Variants in MCHR2 observed in about 807,000 individuals in gnomAD.
MCHR2 encodes melanin-concentrating hormone receptor 2.
In MCHR2, 15 loss-of-function variants were observed where a neutral mutation model predicts 24.8. That is an observed-to-expected ratio of 0.60 (90% CI 0.40 to 0.93). The LOEUF (loss-of-function observed/expected upper bound fraction) is 0.93, where lower values mean the gene tolerates loss of function less well. Among genes scored for constraint, MCHR2 ranks in the 40% least tolerant of loss-of-function variants. The pLI is 0.00. For synonymous variants in MCHR2, 151 were observed against 147.6 expected (o/e 1.02, Z -0.17); for missense variants, 386 against 408.7 (o/e 0.94, Z 0.48).
In MCHR2 at chr6:99,944,766, T is replaced by G. The variant is rs1476806409; in HGVS notation, c.393-1623A>C. Reference sequence around the variant, plus strand: ...AATTAAGGAATCTTCTCTGATAGCATCCCTCCCCAGCTGAAAACCTTTCAG... The same window carrying G: ...AATTAAGGAATCTTCTCTGATAGCAGCCCTCCCCAGCTGAAAACCTTTCAG... On this transcript the variant is annotated intron_variant, in intron 3 of 5. Transcript: ENST00000281806. Among the ~76,000 whole-genome samples the G allele has an allele frequency of 2.0e-5, 3 of 152,124 alleles. 1 individual carries two copies. Among genetic ancestry groups the G allele is most frequent in the Admixed American group, 6.5e-5 (1 of 15,268 alleles).
At chr6:99,971,288 T>A (rs1775412799) in intron 1 of MCHR2, among the ~76,000 whole-genome samples, 1 of 151,002 alleles carries the variant, frequency 6.6e-6, no homozygotes, top group South Asian at 2.1e-4. Context: ...CCCTTGTAAG[T>A]TGGATTCCTA....
intron 1 of MCHR2, among the ~76,000 whole-genome samples, chr6:99,974,962 G>A (rs567785480): frequency 3.6e-4 from 55 of 152,304 alleles, no homozygotes; most frequent in African/African-American, 1.2e-3. Flanking sequence ...ACCTGGCCAT[G>A]TGAGGTGTCA....
chr6:99,957,265 G>A (rs1244006226), intron 1 of MCHR2, among the ~76,000 whole-genome samples: 3 of 152,090 alleles, frequency 2.0e-5, no homozygotes, highest in Admixed American at 2.0e-4. Context: ...TCATAATTAA[G>A]TGTATTTTAT....
rs987480935 is a variant in MCHR2, at chr6:99,919,511, A to G, written c.*1429T>C. Among the ~76,000 whole-genome samples the G allele has an allele frequency of 1.3e-5, 2 of 152,218 alleles. No homozygotes were observed. Among genetic ancestry groups the G allele is most frequent in the African/African-American group, 2.4e-5 (1 of 41,460 alleles). On this transcript the variant is annotated 3_prime_UTR_variant, in exon 6 of 6. Coordinates refer to ENST00000281806, the MANE Select transcript of MCHR2 (RefSeq NM_001040179.2). ...GTATTTAGATGAAGAAGGTGGGTTT[A>G]CAGACTTTATCCACAAGCAAAAATA...
intron 1 of MCHR2, among the ~76,000 whole-genome samples, chr6:99,962,127 G>T (rs76690090): frequency 0.019 from 2,892 of 152,128 alleles, 32 homozygotes; most frequent in Middle Eastern, 0.048. Context: ...TGTGCTTTGG[G>T]TCTGTTATTA....
rs950324729 is a variant in MCHR2 at position 99,959,285 on chromosome 6, C to T, written c.-27-3111G>A. On this transcript the variant is annotated intron_variant, in intron 1 of 5. Transcript: ENST00000281806. ...GGAAAAAAGAAATTGGTAAATCTCT[C>T]TAAGTAGGAACCTAGACACACATGT... Among the ~76,000 whole-genome samples the T allele has an allele frequency of 7.2e-5, 11 of 152,108 alleles. 1 individual carries two copies. In the East Asian group the frequency reaches 2.0e-3, roughly 27 times the overall value.
At position 99,939,728 on chromosome 6, in the gene MCHR2, A is replaced by C. The variant is rs186229983; in HGVS notation, c.587+3221T>G. ...TTAGTGTTTTTTTTTTTTTCTTTCC[A>C]ACAGAAGAACTCCCTTTAGCATTTC... On this transcript the variant is annotated intron_variant, in intron 4 of 5. Coordinates refer to ENST00000281806, the MANE Select transcript of MCHR2 (RefSeq NM_001040179.2). Among the ~76,000 whole-genome samples, 347 of 151,282 alleles carry C rather than the reference A, an allele frequency of 2.3e-3. 2 individuals carry two copies. Among genetic ancestry groups the C allele is most frequent in the Non-Finnish European group, 3.2e-3 (214 of 67,802 alleles).
intron 3 of MCHR2, among the ~76,000 whole-genome samples, chr6:99,943,373 T>C (rs967060824): frequency 6.6e-6 from 1 of 151,468 alleles, no homozygotes; most frequent in East Asian, 1.9e-4. Flanking sequence ...TTAGGGTACA[T>C]GTGCACAATG....
At chr6:99,990,850 TCTC>T (rs1365927462) in intron 1 of MCHR2, among the ~76,000 whole-genome samples, 21 of 150,004 alleles carry the variant, frequency 1.4e-4, no homozygotes, top group Non-Finnish European at 2.8e-4. Flanking sequence ...AGTATCCACC[TCTC>T]CTCCTTCCCA....
chr6:99,934,161 C>G (rs1177883831), intron 5 of MCHR2, among the ~76,000 whole-genome samples: 1 of 151,858 alleles, frequency 6.6e-6, no homozygotes, highest in Non-Finnish European at 1.5e-5. Context: ...TCTTGAGTTC[C>G]GTATGCATTT....
intron 2 of MCHR2, among the ~76,000 whole-genome samples, chr6:99,949,599 C>G (rs899970534): frequency 1.3e-5 from 2 of 152,122 alleles, no homozygotes; most frequent in African/African-American, 2.4e-5. Context: ...GCGAGGCCAT[C>G]TCTTCTCCAG....
intron 1 of MCHR2, among the ~76,000 whole-genome samples, chr6:99,963,260 T>A (rs553330038): frequency 1.6e-4 from 24 of 152,166 alleles, no homozygotes; most frequent in Admixed American, 1.4e-3. Flanking sequence ...GTAGAAACCA[T>A]CTTAATGAAC....
chr6:99,943,040 AT>A lies in MCHR2; in HGVS notation c.495del (p.Leu166CysfsTer23). On this transcript the variant is annotated frameshift_variant, in exon 4 of 6. Coordinates refer to ENST00000281806, the MANE Select transcript of MCHR2 (RefSeq NM_001040179.2). LOFTEE classifies it high-confidence loss of function. The stretch of plus-strand genomic sequence containing the variant: ...ACCTTCGAGTAGACCCAGACAGGCA[AT>A]GCCAGGATAAAGGAAGCTGCCCAAA... Reference protein sequence around the residue: ...LGLWAASFILALPVWVYSKVI... With the variant: ...LGLWAASFILXLPVWVYSKVI... 1 of 1,613,284 alleles carries A rather than the reference AT, an allele frequency of 6.2e-7. No homozygotes were observed. The highest frequency in any genetic ancestry group is 8.5e-7 in the Non-Finnish European group (1 of 1,179,446).
chr6:99,957,015 C>T (rs969049901), intron 1 of MCHR2, among the ~76,000 whole-genome samples: 3 of 151,834 alleles, frequency 2.0e-5, no homozygotes, highest in African/African-American at 7.3e-5. Flanking sequence ...CTTAAAAATA[C>T]TCAAGGTCTG....
intron 5 of MCHR2, among the ~76,000 whole-genome samples, chr6:99,927,420 C>G (rs1467816078): frequency 6.6e-6 from 1 of 152,152 alleles, no homozygotes; most frequent in Non-Finnish European, 1.5e-5. Flanking sequence ...TATAAATTAC[C>G]TTGGGCAGTT....
rs140250149 is a variant in MCHR2, at chr6:99,987,682, G to T, written c.-28+6254C>A. ...TGCTTTAACTACACTGAAAGCAAAAGAGATCAAAACAGCACACAGAAAAAG... is the reference window on the plus strand; with the variant it reads ...TGCTTTAACTACACTGAAAGCAAAATAGATCAAAACAGCACACAGAAAAAG... On this transcript the variant is annotated intron_variant, in intron 1 of 5. Coordinates refer to ENST00000281806, the MANE Select transcript of MCHR2 (RefSeq NM_001040179.2). Among the ~76,000 whole-genome samples, 1,013 of 152,188 alleles carry T rather than the reference G, an allele frequency of 6.7e-3. 13 individuals carry two copies. The highest frequency in any genetic ancestry group is 0.023 in the African/African-American group (973 of 41,508).
intron 1 of MCHR2, among the ~76,000 whole-genome samples, chr6:99,986,637 C>CAG (rs895211941): frequency 9.2e-5 from 14 of 151,910 alleles, no homozygotes; most frequent in Non-Finnish European, 7.4e-5. Context: ...TGTGGACATA[C>CAG]AGAGAGGAAT....
intron 4 of MCHR2, among the ~76,000 whole-genome samples, chr6:99,935,767 T>G (rs1774645799): frequency 6.6e-6 from 1 of 151,868 alleles, no homozygotes; most frequent in Non-Finnish European, 1.5e-5. Context: ...TATTTTTAGT[T>G]TTTCGAGGAG....
chr6:99,952,077 T>G (rs1175396052), intron 2 of MCHR2, among the ~76,000 whole-genome samples: 1 of 152,064 alleles, frequency 6.6e-6, no homozygotes, highest in Non-Finnish European at 1.5e-5. Flanking sequence ...GAAGTATAGG[T>G]GATTCCCAGG....
Sources: allele counts gnomAD v4.1 joint callset (sites outside exome capture counted in the v4.1 genomes callset), GRCh38; gene constraint gnomAD v4.1.1; transcripts MANE v1.5; gene names NCBI Gene and HGNC (gene_info 2026-07-23, HGNC 2026-07-21).